Variants in PDE1C observed in about 807,000 individuals in gnomAD.
PDE1C encodes the protein phosphodiesterase 1C, also known as dual specificity calcium/calmodulin-dependent 3',5'-cyclic nucleotide phosphodiesterase 1C.
PDE1C carries 62 observed loss-of-function variants against 93.1 expected under a neutral mutation model. That is an observed-to-expected ratio of 0.67 (90% CI 0.54 to 0.82). PDE1C has a LOEUF of 0.82. Among genes scored for constraint, PDE1C ranks in the 40% least tolerant of loss-of-function variants. The probability of loss-of-function intolerance (pLI) is 0.00; values close to 1 mark genes in which losing one functional copy is unlikely to be tolerated. For missense variants in PDE1C, 742 were observed against 884.6 expected (o/e 0.84, Z 2.04); for synonymous variants, 325 against 310.1 (o/e 1.05, Z -0.50).
intron 1 of PDE1C, among the ~76,000 whole-genome samples, chr7:32,057,339 C>T (rs547493746): frequency 6.6e-5 from 10 of 152,208 alleles, no homozygotes; most frequent in Admixed American, 3.3e-4. Context: ...TGTTTATGTC[C>T]GGAATGTTTC....
chr7:31,912,808 G>A (rs1216748549), intron 2 of PDE1C, among the ~76,000 whole-genome samples: 1 of 152,100 alleles, frequency 6.6e-6, no homozygotes, highest in Non-Finnish European at 1.5e-5. Flanking sequence ...AACAGAGTTA[G>A]CTGGCTAGAA....
chr7:32,065,091 G>A (rs1224655179), intron 1 of PDE1C, among the ~76,000 whole-genome samples: 1 of 151,620 alleles, frequency 6.6e-6, no homozygotes, highest in African/African-American at 2.4e-5. Context: ...TGAGGGGGAG[G>A]TGGTGAGATT....
intron 1 of PDE1C, among the ~76,000 whole-genome samples, chr7:32,356,930 G>A (rs1314731839): frequency 6.6e-6 from 1 of 151,852 alleles, no homozygotes; most frequent in Non-Finnish European, 1.5e-5. Flanking sequence ...AAGACTCCTC[G>A]AGGGGACATG....
intron 1 of PDE1C, among the ~76,000 whole-genome samples, chr7:32,305,220 G>A (rs1812970197): frequency 6.6e-6 from 1 of 152,182 alleles, no homozygotes; most frequent in Non-Finnish European, 1.5e-5. Flanking sequence ...ACTTCATTCA[G>A]CAGATGCATT....
rs567879703 is a variant in PDE1C at position 32,165,483 on chromosome 7, T to C, written c.308+4302A>G. Among the ~76,000 whole-genome samples, 3 of 152,288 alleles carry C rather than the reference T, an allele frequency of 2.0e-5. No homozygotes were observed. In the South Asian group the frequency reaches 6.2e-4, roughly 32 times the overall value. ...TAATTGACTCACAGTTCCACATGGC[T>C]AGGGAGGCCTCAGGAAACTTACAAC... On this transcript the variant is annotated intron_variant, in intron 3 of 18. Transcript: ENST00000396193.
At chr7:32,179,863 T>C (rs1408192790) in intron 2 of PDE1C, among the ~76,000 whole-genome samples, 1 of 151,918 alleles carries the variant, frequency 6.6e-6, no homozygotes, top group Non-Finnish European at 1.5e-5. Context: ...AAATTTAGAG[T>C]CCTGAGAAGC....
At chr7:32,058,383 AG>A (rs1794382660) in intron 1 of PDE1C, among the ~76,000 whole-genome samples, 1 of 152,218 alleles carries the variant, frequency 6.6e-6, no homozygotes, top group African/African-American at 2.4e-5. Flanking sequence ...AGTTAACTAC[AG>A]GTTCTCATGA....
intron 2 of PDE1C, among the ~76,000 whole-genome samples, chr7:32,199,956 C>T (rs1804893117): frequency 6.6e-6 from 1 of 152,076 alleles, no homozygotes; most frequent in South Asian, 2.1e-4. Flanking sequence ...GTAATGTTAC[C>T]TTCAGGCTAT....
At chr7:32,020,080 T>G (rs1050242263) in intron 2 of PDE1C, among the ~76,000 whole-genome samples, 1 of 152,072 alleles carries the variant, frequency 6.6e-6, no homozygotes, top group African/African-American at 2.4e-5. Flanking sequence ...ACTCAGGCCA[T>G]GGAGAGCCCA....
intron 17 of PDE1C, among the ~76,000 whole-genome samples, chr7:31,760,800 C>T (rs1191917539): frequency 1.4e-5 from 2 of 144,306 alleles, no homozygotes; most frequent in Non-Finnish European, 1.5e-5. Context: ...ACACACCAAA[C>T]CACATATACT....
rs1800931017 is a variant in PDE1C, at chr7:31,909,118, A to G, written c.129-28258T>C. Reference sequence around the variant, plus strand: ...TTATTATGTATCTCCTACTGGCTCTACTTTCTGGTTGAACTCCGACTGAGG... The same window carrying G: ...TTATTATGTATCTCCTACTGGCTCTGCTTTCTGGTTGAACTCCGACTGAGG... On this transcript the variant is annotated intron_variant, in intron 2 of 17. Transcript: ENST00000396191. Among the ~76,000 whole-genome samples, 5 of 151,872 alleles carry G rather than the reference A, an allele frequency of 3.3e-5. No homozygotes were observed. In the South Asian group the frequency reaches 1.0e-3, roughly 32 times the overall value.
chr7:32,022,589 G>T (rs1005331578), intron 2 of PDE1C, among the ~76,000 whole-genome samples: 20 of 152,026 alleles, frequency 1.3e-4, no homozygotes, highest in African/African-American at 4.8e-4. Context: ...CTTATAAGCA[G>T]AAATATTAAT....
intron 2 of PDE1C, among the ~76,000 whole-genome samples, chr7:31,945,171 T>A (rs1012644212): frequency 6.6e-6 from 1 of 152,200 alleles, no homozygotes; most frequent in Non-Finnish European, 1.5e-5. Context: ...AATAAGCTGC[T>A]CTCATCCCAT....
At chr7:32,406,804 C>A (rs1438772156) in intron 1 of PDE1C, among the ~76,000 whole-genome samples, 1 of 152,094 alleles carries the variant, frequency 6.6e-6, no homozygotes, top group South Asian at 2.1e-4. Flanking sequence ...AGGGTTTGGG[C>A]CCTGCATCTG....
chr7:31,622,912 G>A, the PDE1C span, among the ~76,000 whole-genome samples: 1 of 152,160 alleles, frequency 6.6e-6, no homozygotes, highest in South Asian at 2.1e-4. Flanking sequence ...AATAAAAAAT[G>A]ATAAAGGGGA....
intron 15 of PDE1C, among the ~76,000 whole-genome samples, chr7:31,812,686 C>T (rs145118964): frequency 1.1e-4 from 16 of 152,224 alleles, no homozygotes; most frequent in African/African-American, 3.6e-4. Context: ...TGAGTAGTTG[C>T]AATAGAGACC....
At chr7:31,885,654 G>A (rs1797774523) in intron 2 of PDE1C, among the ~76,000 whole-genome samples, 1 of 152,176 alleles carries the variant, frequency 6.6e-6, no homozygotes. Context: ...AAAGGCCAGA[G>A]CACTGTATTT....
At position 31,812,083 on chromosome 7, in the gene PDE1C, C is replaced by T. The variant is rs778975550; in HGVS notation, c.1814-2975G>A. ...GGGGAAGTGAAAGAGACTTTCTGTGCAGTTATAAATCATTTTAATTAGGCT... is the reference window on the plus strand; with the variant it reads ...GGGGAAGTGAAAGAGACTTTCTGTGTAGTTATAAATCATTTTAATTAGGCT... On this transcript the variant is annotated intron_variant, in intron 15 of 17. Coordinates refer to ENST00000396191, the MANE Select transcript of PDE1C (RefSeq NM_001191057.4). Among the ~76,000 whole-genome samples, 47 of 152,214 alleles carry T rather than the reference C, an allele frequency of 3.1e-4. No homozygotes were observed. In the Middle Eastern group the frequency reaches 0.01, roughly 33 times the overall value.
chr7:31,668,702 G>A, the PDE1C span, among the ~76,000 whole-genome samples: 1 of 152,160 alleles, frequency 6.6e-6, no homozygotes, highest in Admixed American at 6.5e-5. Context: ...GAGTGACTGT[G>A]ACTGGATAGG....
Sources: gnomAD v4.1 joint callset for allele counts (sites outside exome capture counted in the v4.1 genomes callset) on GRCh38, gnomAD v4.1.1 for gene constraint, MANE v1.5 for transcripts, NCBI Gene and HGNC (gene_info 2026-07-23, HGNC 2026-07-21) for gene names.